TNRC6A: variants seen among roughly 807,000 people sequenced by gnomAD.
TNRC6A encodes the protein trinucleotide repeat-containing gene 6A protein.
A neutral mutation model predicts 221.2 loss-of-function variants in TNRC6A; 44 were observed. That is an observed-to-expected ratio of 0.20 (90% CI 0.16 to 0.26). The LOEUF (loss-of-function observed/expected upper bound fraction) is 0.26. Among genes scored for constraint, TNRC6A ranks in the 10% least tolerant of loss-of-function variants. TNRC6A has a pLI of 1.00. For missense variants in TNRC6A, 2,199 were observed against 2,404.4 expected, an observed-to-expected ratio of 0.91 and a Z score of 1.79; for synonymous variants, 847 against 838.5, an observed-to-expected ratio of 1.01 and a Z score of -0.18.
At position 24,740,440 on chromosome 16, in the gene TNRC6A, T is replaced by G. The variant is rs186815583; in HGVS notation, c.53+10140T>G. Among the ~76,000 whole-genome samples, 54 of 152,252 alleles carry G rather than the reference T, an allele frequency of 3.5e-4. 1 individual carries two copies. The East Asian group carries it at 9.3e-3, about 26-fold the overall frequency. ...TATTAAGTCTTCCAGTTCACGAACATGGAATCTTTTTCTATTTATTTAGGT... is the reference window on the plus strand; with the variant it reads ...TATTAAGTCTTCCAGTTCACGAACAGGGAATCTTTTTCTATTTATTTAGGT... On this transcript the variant is annotated intron_variant, in intron 2 of 24. Transcript: ENST00000395799.
At chr16:24,715,502 A>T (rs141579691) in intron 2 of TNRC6A, among the ~76,000 whole-genome samples, 5 of 151,298 alleles carry the variant, frequency 3.3e-5, no homozygotes, top group African/African-American at 9.7e-5. Context: ...AAGGTTTTCT[A>T]CTCTGCCTGA....
intron 2 of TNRC6A, among the ~76,000 whole-genome samples, chr16:24,707,023 G>T (rs1195149150): frequency 7.0e-6 from 1 of 142,224 alleles, no homozygotes; most frequent in Admixed American, 7.1e-5. Flanking sequence ...TTTGAGACAG[G>T]GTTACTCTGT....
rs562026082 is a variant in TNRC6A at position 24,776,510 on chromosome 16, A to G, written c.164-423A>G. Reference sequence around the variant, plus strand: ...AAGATGAAAAATAGAGACCAAACACATTAACAATGAGGCAGAATAAGAACA... The same window carrying G: ...AAGATGAAAAATAGAGACCAAACACGTTAACAATGAGGCAGAATAAGAACA... On this transcript the variant is annotated intron_variant, in intron 4 of 24. Transcript: ENST00000395799. 8.5e-5 allele frequency: 84 copies of G among 985,504 alleles called. 1 individual carries two copies. In the African/African-American group the frequency reaches 1.4e-3, roughly 16 times the overall value. 61.0% of individuals were successfully genotyped at this position (985,504 alleles called of 1,614,324 possible).
intron 18 of TNRC6A, among the ~76,000 whole-genome samples, chr16:24,814,482 C>A (rs1394925696): frequency 2.2e-5 from 3 of 135,466 alleles, no homozygotes; most frequent in African/African-American, 8.7e-5. Context: ...GATCTCAGCT[C>A]ACTGCAACCT....
chr16:24,758,440 A>T (rs2151488567), intron 4 of TNRC6A, 80 bp downstream of exon 4: 2 of 1,429,348 alleles, frequency 1.4e-6, no homozygotes, highest in East Asian at 2.3e-5. Context: ...CACCTCAAGG[A>T]TGGGAGAGAG....
chr16:24,614,870 G>A (rs779409796), intron 1 of TNRC6A, among the ~76,000 whole-genome samples: 1 of 152,160 alleles, frequency 6.6e-6, no homozygotes, highest in Non-Finnish European at 1.5e-5. Context: ...AGGAGTTCGC[G>A]ACCAGCCTGG....
intron 2 of TNRC6A, among the ~76,000 whole-genome samples, chr16:24,732,041 A>G (rs753845009): frequency 6.6e-6 from 1 of 152,240 alleles, no homozygotes; most frequent in Non-Finnish European, 1.5e-5. Context: ...TGACGTAGGA[A>G]TCAAAAGATA....
intron 5 of TNRC6A, among the ~76,000 whole-genome samples, chr16:24,784,083 C>A (rs1224314067): frequency 6.6e-6 from 1 of 152,166 alleles, no homozygotes; most frequent in Admixed American, 6.5e-5. Context: ...CTCACTGCAA[C>A]CTCCACCTCC....
intron 2 of TNRC6A, among the ~76,000 whole-genome samples, chr16:24,703,672 AT>A (rs761729323): frequency 1.2e-4 from 18 of 152,228 alleles, no homozygotes; most frequent in Non-Finnish European, 2.1e-4. Context: ...TTTCCCTATT[AT>A]GAATAAAACT....
chr16:24,755,741 C>A (rs1225298168), intron 3 of TNRC6A, among the ~76,000 whole-genome samples: 1 of 152,152 alleles, frequency 6.6e-6, no homozygotes, highest in Admixed American at 6.5e-5. Context: ...CACTGCACTG[C>A]TGTCTTCAGT....
intron 2 of TNRC6A, among the ~76,000 whole-genome samples, chr16:24,646,410 G>A (rs1902290104): frequency 6.6e-6 from 1 of 152,138 alleles, no homozygotes; most frequent in Non-Finnish European, 1.5e-5. Context: ...TGCACTGGTG[G>A]TGATTCACAG....
chr16:24,691,132 G>A (rs2142129983), intron 2 of TNRC6A, among the ~76,000 whole-genome samples: 1 of 152,076 alleles, frequency 6.6e-6, no homozygotes, highest in African/African-American at 2.4e-5. Context: ...TTTCAAATGT[G>A]TTCCATGGGA....
chr16:24,643,944 C>A (rs7191307), intron 2 of TNRC6A, among the ~76,000 whole-genome samples: 69,284 of 151,748 alleles, frequency 0.46, 15,913 homozygotes, highest in South Asian at 0.57. Context: ...ATGAGAGGGG[C>A]GACAAGTGAC....
chr16:24,670,164 G>A (rs191223822), intron 2 of TNRC6A, among the ~76,000 whole-genome samples: 203 of 151,790 alleles, frequency 1.3e-3, no homozygotes, highest in African/African-American at 4.7e-3. Flanking sequence ...TGCCCAGGCT[G>A]GTCTTGAACT....
In TNRC6A at chr16:24,820,072, A is replaced by G. The variant is rs79838020; in HGVS notation, c.5081-67A>G. The G allele has an allele frequency of 2.1e-3, 2,961 of 1,423,190 alleles. 61 individuals are homozygous for G. The African/African-American group carries it at 0.038, about 18-fold the overall frequency. The allele number at this position is 1,423,190 out of a possible 1,614,324, so 88.2% of individuals were successfully genotyped here. A position where few individuals can be genotyped will look rare whatever the true frequency, so the allele number is the denominator to read the frequency against. ...TGCTTTTTGTGGGAGAATGGATGTC[A>G]TTATTTAAATTTCCTCCTTTCTTAA... is the stretch of plus-strand genomic sequence containing the variant. On this transcript the variant is annotated intron_variant, in intron 21 of 24. Transcript: ENST00000395799.
intron 2 of TNRC6A, among the ~76,000 whole-genome samples, chr16:24,654,727 A>T (rs1351476255): frequency 6.6e-6 from 1 of 152,088 alleles, no homozygotes; most frequent in African/African-American, 2.4e-5. Flanking sequence ...TCAAAAAAAA[A>T]TTAATAAAAA....
intron 21 of TNRC6A, among the ~76,000 whole-genome samples, chr16:24,819,938 C>A (rs564666110): frequency 6.6e-6 from 1 of 152,144 alleles, no homozygotes; most frequent in East Asian, 1.9e-4. Flanking sequence ...AGTAACAGAT[C>A]AATGGCTTGA....
rs143134526 is a variant in TNRC6A at position 24,781,892 on chromosome 16, G to A, written c.589+4534G>A. Among the ~76,000 whole-genome samples, 4,839 of 150,874 alleles carry A rather than the reference G, an allele frequency of 0.032. 475 individuals are homozygous for A. In the East Asian group the frequency reaches 0.35, roughly 11 times the overall value. On this transcript the variant is annotated intron_variant, in intron 5 of 24. Transcript: ENST00000395799. Reference sequence around the variant, plus strand: ...GGCTGGAGTGCAGTGGCACGATCTCGGCTCACTGCAAGCTCTGCTTCCCAG... The same window carrying A: ...GGCTGGAGTGCAGTGGCACGATCTCAGCTCACTGCAAGCTCTGCTTCCCAG...
rs138108960 is a variant in TNRC6A, at chr16:24,737,334, C to T, written c.53+7034C>T. ...TTGAGATTCAAAAGGAAGTAATATT[C>T]GACTAAGGCATAGCTTCTTTCCATC... On this transcript the variant is annotated intron_variant, in intron 2 of 24. Coordinates refer to ENST00000395799, the MANE Select transcript of TNRC6A (RefSeq NM_014494.4). Among the ~76,000 whole-genome samples the T allele has an allele frequency of 3.9e-3, 592 of 151,980 alleles. 1 individual carries two copies. The highest frequency in any genetic ancestry group is 0.014 in the Middle Eastern group (4 of 294).
Sources: allele counts gnomAD v4.1 joint callset (sites outside exome capture counted in the v4.1 genomes callset), GRCh38; gene constraint gnomAD v4.1.1; transcripts MANE v1.5; gene names NCBI Gene and HGNC (gene_info 2026-07-23, HGNC 2026-07-21).